The following KCNQ4 variants were observed in gnomAD, a reference collection of about 807,000 sequenced individuals.
The protein encoded by KCNQ4 is potassium voltage-gated channel subfamily KQT member 4.
Under a neutral mutation model 72.6 loss-of-function variants are expected in KCNQ4, and 31 were observed. The ratio of observed to expected loss-of-function variants is 0.43; its 90% CI spans 0.32 to 0.58. The LOEUF is 0.58. Ranked by LOEUF, KCNQ4 falls within the 20% of genes least tolerant of loss-of-function variation. KCNQ4 has a pLI of 0.08. For missense variants in KCNQ4, 869 were observed against 962.6 expected (o/e 0.90, Z 1.29); for synonymous variants, 405 against 403.7 (o/e 1.00, Z -0.04).
Position 40,823,102 on chromosome 1 carries a change from C to G in KCNQ4, c.1130+700C>G, listed in dbSNP as rs573356322. On this transcript the variant is annotated intron_variant, in intron 8 of 13. Transcript: ENST00000347132. ...GGCTGGGGCAGGATGCTGTGCTCAG[C>G]GCTTCTGCGGGTGCCTTTTTTGCCT... 1.7e-3 allele frequency among the ~76,000 whole-genome samples: 257 copies of G among 152,350 alleles called. 3 individuals carry two copies. Among genetic ancestry groups the G allele is most frequent in the African/African-American group, 5.7e-3 (235 of 41,582 alleles).
intron 1 of KCNQ4, among the ~76,000 whole-genome samples, chr1:40,790,530 G>A (rs1647262536): frequency 6.6e-6 from 1 of 152,204 alleles, no homozygotes; most frequent in Admixed American, 6.5e-5. Flanking sequence ...CCATGAGAGT[G>A]TCTGACTTAC....
At chr1:40,829,577 A>T (rs1169024053) in intron 9 of KCNQ4, among the ~76,000 whole-genome samples, 1 of 151,980 alleles carries the variant, frequency 6.6e-6, no homozygotes, top group African/African-American at 2.4e-5. Flanking sequence ...CCTCCACCCC[A>T]TGCCCTGGGC....
chr1:40,837,656 T>G lies in KCNQ4; in HGVS notation c.1746-9T>G. The G allele has an allele frequency of 6.2e-7, 1 of 1,612,284 alleles. No homozygotes were observed. Among genetic ancestry groups the G allele is most frequent in the Non-Finnish European group, 8.5e-7 (1 of 1,179,106 alleles). On this transcript the variant is annotated splice_polypyrimidine_tract_variant and intron_variant, in intron 12 of 13. Coordinates refer to ENST00000347132, the MANE Select transcript of KCNQ4 (RefSeq NM_004700.4). The stretch of plus-strand genomic sequence containing the variant: ...TCCCCGGGCCCTCTGATGGTTCCCT[T>G]ACCCTTAGGGTGGACCAAATTGTGG...
chr1:40,809,440 C>A (rs143766881), intron 1 of KCNQ4, among the ~76,000 whole-genome samples: 2 of 152,212 alleles, frequency 1.3e-5, no homozygotes, highest in Non-Finnish European at 2.9e-5. Flanking sequence ...CCACCCAACA[C>A]CTGCTCCTCC....
At position 40,820,191 on chromosome 1, in the gene KCNQ4, G is replaced by A. The variant is rs137896524; in HGVS notation, c.972G>A (p.Leu324=). ...GCATCCTAGGCTCCGGCTTTGCCCT[G>A]AAGGTCCAGGAGCAGCACCGGCAGA... The part of the protein sequence containing the change: ...PAGILGSGFA[L]KVQEQHRQKH... Residue 324 remains leucine, a synonymous_variant, in exon 7 of 14, where the codon CTG becomes CTA. Coordinates refer to ENST00000347132, the MANE Select transcript of KCNQ4 (RefSeq NM_004700.4). 3,261 of 1,610,128 alleles carry A rather than the reference G, an allele frequency of 2.0e-3. 41 individuals carry two copies. Among genetic ancestry groups the A allele is most frequent in the South Asian group, 0.02 (1,796 of 90,320 alleles).
At chr1:40,793,004 C>CTTTTTTT (rs10549805) in intron 1 of KCNQ4, among the ~76,000 whole-genome samples, 6 of 109,070 alleles carry the variant, frequency 5.5e-5, no homozygotes, top group East Asian at 2.4e-4. Flanking sequence ...TTCTTTCTTT[C>CTTTTTTT]TTTTTTTTTT....
intron 10 of KCNQ4, 89 bp from the exon 11 acceptor site, chr1:40,832,925 C>A: frequency 1.1e-6 from 1 of 926,696 alleles, no homozygotes; most frequent in Non-Finnish European, 1.8e-6. Flanking sequence ...CTATTGGACA[C>A]TCTACTGGTG....
In KCNQ4 at chr1:40,818,637, G is replaced by A. The variant is rs752658856; in HGVS notation, c.665G>A (p.Gly222Asp). 178 of 1,606,290 alleles carry A rather than the reference G, an allele frequency of 1.1e-4. No individual in the cohort carries two copies. Among genetic ancestry groups the A allele is most frequent in the Non-Finnish European group, 1.4e-4 (171 of 1,179,340 alleles). Reference sequence around the variant, plus strand: ...ATGGTGCGCATGGACCGCCGCGGCGGCACCTGGAAGCTGCTGGGCTCAGTG... The same window carrying A: ...ATGGTGCGCATGGACCGCCGCGGCGACACCTGGAAGCTGCTGGGCTCAGTG... ...LRMVRMDRRG[G>D]TWKLLGSVVY... The change falls in exon 4 of 14, where the codon GGC (glycine) becomes GAC (aspartate). Residue 222 changes from glycine (G) to aspartate (D), a missense_variant. This residue lies in a region of KCNQ4 where 179 missense variants were observed against 243.0 expected (regional missense o/e 0.74). Coordinates refer to ENST00000347132, the MANE Select transcript of KCNQ4 (RefSeq NM_004700.4).
chr1:40,811,412 C>T (rs949579076), intron 1 of KCNQ4, among the ~76,000 whole-genome samples: 2 of 152,278 alleles, frequency 1.3e-5, no homozygotes, highest in Admixed American at 6.5e-5. Context: ...AGTGTGGTCC[C>T]CATAACAGCA....
rs572293257 is a variant in KCNQ4, at chr1:40,786,452, A to G, written c.314+2045A>G. ...CATCCTGCCCTTTCCTGATGCCAGG[A>G]AATGCCCTCGCCAGGGCCGTGCTTG... On this transcript the variant is annotated intron_variant, in intron 1 of 13. Coordinates refer to ENST00000347132, the MANE Select transcript of KCNQ4 (RefSeq NM_004700.4). Among the ~76,000 whole-genome samples, 21 of 152,300 alleles carry G rather than the reference A, an allele frequency of 1.4e-4. No homozygotes were observed. The South Asian group carries it at 4.1e-3, about 30-fold the overall frequency.
intron 1 of KCNQ4, among the ~76,000 whole-genome samples, chr1:40,791,165 T>C (rs1384502222): frequency 6.6e-6 from 1 of 152,084 alleles, no homozygotes; most frequent in Non-Finnish European, 1.5e-5. Context: ...ACTGGGAAGG[T>C]GTCCACCCCC....
At chr1:40,827,068 T>C (rs1648500769) in intron 9 of KCNQ4, among the ~76,000 whole-genome samples, 1 of 152,192 alleles carries the variant, frequency 6.6e-6, no homozygotes, top group African/African-American at 2.4e-5. Flanking sequence ...TGGGCTTAGC[T>C]TTCTGTCTCC....
At chr1:40,802,552 T>C (rs1270209217) in intron 1 of KCNQ4, among the ~76,000 whole-genome samples, 1 of 151,438 alleles carries the variant, frequency 6.6e-6, no homozygotes, top group African/African-American at 2.4e-5. Context: ...CCCGCCCATT[T>C]CCGTAAGCCC....
At position 40,832,838 on chromosome 1, in the gene KCNQ4, G is replaced by A. The variant is rs874847; in HGVS notation, c.1514-176G>A. 0.26 allele frequency among the ~76,000 whole-genome samples: 38,585 copies of A among 151,286 alleles called. 5,399 individuals are homozygous for A. Among genetic ancestry groups the A allele is most frequent in the Admixed American group, 0.38 (5,786 of 15,170 alleles). The stretch of plus-strand genomic sequence containing the variant: ...GGCAGATGGGCATGCAACACACTGG[G>A]GCTTTCCACCCTGGGGAGGGCAGTG... On this transcript the variant is annotated intron_variant, in intron 10 of 13. Transcript: ENST00000347132.
Position 40,835,065 on chromosome 1 carries a change from A to T in KCNQ4, c.1712A>T (p.Asp571Val). ...GAGCAGTACTCAGCAGGCCACCTGG[A>T]CATGCTGGGCCGGATCAAGAGCCTG... is the stretch of plus-strand genomic sequence containing the variant. ...VIEQYSAGHL[D>V]MLGRIKSLQT... The change falls in exon 12 of 14, where the codon GAC becomes GTC. Residue 571 changes from aspartate to valine, a missense_variant. By Grantham distance (152) the Asp-to-Val change is radical. This residue lies in a region of KCNQ4 where 480 missense variants were observed against 501.9 expected (regional missense o/e 0.96). Coordinates refer to ENST00000347132, the MANE Select transcript of KCNQ4 (RefSeq NM_004700.4). The T allele has an allele frequency of 2.5e-6, 4 of 1,614,008 alleles. No homozygotes were observed. The highest frequency in any genetic ancestry group is 3.4e-6 in the Non-Finnish European group (4 of 1,179,930).
intron 12 of KCNQ4, among the ~76,000 whole-genome samples, chr1:40,837,379 C>CA (rs1315191194): frequency 1.3e-5 from 2 of 152,262 alleles, no homozygotes; most frequent in African/African-American, 4.8e-5. Context: ...AGGCATGCGC[C>CA]ACTGCGCTGG....
chr1:40,838,728 A>AG lies in KCNQ4; in HGVS notation c.*207dup. Reference sequence around the variant, plus strand: ...CCCCACCTCAGGAGCGTGAGATGCCAGGTCGCACAGAGGGCAGCAGCAGCG... The same window carrying AG: ...CCCCACCTCAGGAGCGTGAGATGCCAGGGTCGCACAGAGGGCAGCAGCAGCG... On this transcript the variant is annotated 3_prime_UTR_variant, in exon 14 of 14. Coordinates refer to ENST00000347132, the MANE Select transcript of KCNQ4 (RefSeq NM_004700.4). 1 of 622,268 alleles carries AG rather than the reference A, an allele frequency of 1.6e-6. No individual in the cohort carries two copies. Among genetic ancestry groups the AG allele is most frequent in the East Asian group, 2.8e-5 (1 of 36,350 alleles). The allele number at this position is 622,268 out of a possible 1,614,324, so 38.5% of individuals were successfully genotyped here.
At chr1:40,836,097 G>A (rs568878773) in intron 12 of KCNQ4, among the ~76,000 whole-genome samples, 7 of 152,162 alleles carry the variant, frequency 4.6e-5, no homozygotes, top group Non-Finnish European at 1.0e-4. Flanking sequence ...TGTTGAGGAT[G>A]GACTTAGCGG....
chr1:40,805,636 AG>A (rs948241564), intron 1 of KCNQ4, among the ~76,000 whole-genome samples: 4 of 56,768 alleles, frequency 7.0e-5, no homozygotes, highest in Non-Finnish European at 1.6e-4. Context: ...AAAGGTGGGG[AG>A]GGGAAAAGAG....
Sources: allele counts gnomAD v4.1 joint callset (sites outside exome capture counted in the v4.1 genomes callset), GRCh38; gene constraint gnomAD v4.1.1; regional missense constraint gnomAD v4.1.1; transcripts MANE v1.5; gene names NCBI Gene and HGNC (gene_info 2026-07-23, HGNC 2026-07-21).